The following WDR44 variants were observed in gnomAD, a reference collection of about 807,000 sequenced individuals.
WDR44 encodes the protein WD repeat domain 44, also known as WD repeat-containing protein 44.
Under a neutral mutation model 65.7 loss-of-function variants are expected in WDR44, and 9 were observed. The observed-to-expected ratio is 0.14, with a 90% CI of 0.08 to 0.24. The LOEUF (loss-of-function observed/expected upper bound fraction) is 0.24. WDR44 is among the 10% of genes least tolerant of loss of function. WDR44 has a pLI of 1.00. For missense variants in WDR44, 425 were observed against 670.9 expected, an observed-to-expected ratio of 0.63 and a Z score of 4.05; for synonymous variants, 220 against 235.2, an observed-to-expected ratio of 0.94 and a Z score of 0.59.
rs749350093 is a variant in WDR44, at chrX:118,415,047, T to C, written c.1737+4088T>C. Among the ~76,000 whole-genome samples, 12 of 111,967 alleles carry C rather than the reference T, an allele frequency of 1.1e-4. No homozygotes were observed. The South Asian group carries it at 1.1e-3, about 10-fold the overall frequency. The stretch of plus-strand genomic sequence containing the variant: ...AGATGGCTTTTATTACACTGAGATA[T>C]GTCACCTGTATGCTGATTTTGCTGA... On this transcript the variant is annotated intron_variant, in intron 12 of 19. Transcript: ENST00000254029.
intron 19 of WDR44, among the ~76,000 whole-genome samples, chrX:118,445,632 G>A (rs1225539136): frequency 8.9e-6 from 1 of 112,355 alleles, no homozygotes; most frequent in Non-Finnish European, 1.9e-5. Context: ...GCCATTTGTA[G>A]CATATATGCT....
chrX:118,347,691 G>A (rs900638094), intron 1 of WDR44, among the ~76,000 whole-genome samples: 2 of 112,356 alleles, frequency 1.8e-5, no homozygotes, highest in African/African-American at 3.2e-5. Flanking sequence ...CATGCTAGAA[G>A]TCATTCTAAA....
intron 12 of WDR44, among the ~76,000 whole-genome samples, chrX:118,416,271 T>C (rs1395940467): frequency 8.9e-6 from 1 of 111,823 alleles, no homozygotes; most frequent in Non-Finnish European, 1.9e-5. Context: ...AAGTGTGACC[T>C]TAGCATGTCA....
chrX:118,398,190 T>C (rs1400259331), intron 7 of WDR44, among the ~76,000 whole-genome samples, 197 bp from the exon 8 acceptor site: 3 of 112,144 alleles, frequency 2.7e-5, no homozygotes, highest in African/African-American at 6.5e-5. Flanking sequence ...TGAGCCAAGA[T>C]TGTGCCACTG....
intron 9 of WDR44, among the ~76,000 whole-genome samples, chrX:118,405,806 T>C: frequency 9.0e-6 from 1 of 111,662 alleles, no homozygotes; most frequent in Admixed American, 9.5e-5. Flanking sequence ...TTATATAACA[T>C]TTACACTGCA....
intron 3 of WDR44, among the ~76,000 whole-genome samples, chrX:118,387,928 G>T (rs1314993956): frequency 3.6e-5 from 4 of 111,733 alleles, no homozygotes; most frequent in African/African-American, 1.3e-4. Flanking sequence ...AAGACAGGAT[G>T]GTGTGTTTTT....
intron 1 of WDR44, among the ~76,000 whole-genome samples, chrX:118,371,376 G>A (rs2056612798): frequency 9.0e-6 from 1 of 111,236 alleles, no homozygotes; most frequent in Admixed American, 9.6e-5. Flanking sequence ...AAGTTCTGGA[G>A]AACTATTGCA....
intron 12 of WDR44, among the ~76,000 whole-genome samples, chrX:118,414,296 T>TG (rs200260149): frequency 3.5e-4 from 37 of 105,432 alleles, no homozygotes; most frequent in Admixed American, 1.1e-3. Flanking sequence ...GGTTTTGTGT[T>TG]TTTTTTTTTC....
At chrX:118,431,451 G>A (rs1199896643) in intron 12 of WDR44, among the ~76,000 whole-genome samples, 1 of 111,388 alleles carries the variant, frequency 9.0e-6, no homozygotes, top group Non-Finnish European at 1.9e-5. Context: ...TTACAGGCAT[G>A]CGCCACCATG....
intron 12 of WDR44, among the ~76,000 whole-genome samples, chrX:118,424,323 G>GTGTGTGTATATATATATA (rs1289349202): frequency 1.1e-3 from 70 of 65,542 alleles, no homozygotes; most frequent in African/African-American, 6.2e-3. Flanking sequence ...GTGTGTGTGT[G>GTGTGTGTATATATATATA]TATATATATA....
chrX:118,371,400 A>G lies in WDR44; in HGVS notation c.78-7019A>G, dbSNP rs181160764. Among the ~76,000 whole-genome samples the G allele has an allele frequency of 2.8e-3, 316 of 111,647 alleles. 2 individuals are homozygous for G. The highest frequency in any genetic ancestry group is 9.9e-3 in the African/African-American group (304 of 30,784). ...AGAACTATTGCACAGCATGATGACT[A>G]TAATAATAACAATGTATGTTTCAAA... On this transcript the variant is annotated intron_variant, in intron 1 of 19. Coordinates refer to ENST00000254029, the MANE Select transcript of WDR44 (RefSeq NM_019045.5).
chrX:118,446,102 G>T (rs1003465199), intron 19 of WDR44, among the ~76,000 whole-genome samples: 2 of 108,801 alleles, frequency 1.8e-5, no homozygotes, highest in African/African-American at 6.7e-5. Flanking sequence ...GACCAGCCTG[G>T]CCAACATGTT....
At chrX:118,385,154 T>C (rs749227716) in intron 2 of WDR44, among the ~76,000 whole-genome samples, 1 of 112,088 alleles carries the variant, frequency 8.9e-6, no homozygotes, top group East Asian at 2.8e-4. Flanking sequence ...CATTACTGGG[T>C]ATATACCCAA....
At chrX:118,424,457 T>C (rs1349215568) in intron 12 of WDR44, among the ~76,000 whole-genome samples, 1 of 106,454 alleles carries the variant, frequency 9.4e-6, no homozygotes, top group Non-Finnish European at 1.9e-5. Flanking sequence ...CACCTTTTCA[T>C]GTACTCATTG....
chrX:118,448,189 A>C (rs2057364175), intron 19 of WDR44, among the ~76,000 whole-genome samples: 1 of 110,565 alleles, frequency 9.0e-6, no homozygotes, highest in Admixed American at 9.8e-5. Context: ...CATCCTGTCC[A>C]CAACTTTCCA....
intron 2 of WDR44, among the ~76,000 whole-genome samples, chrX:118,378,709 CGTGTGT>C (rs61698360): frequency 6.4e-5 from 6 of 94,454 alleles, no homozygotes; most frequent in Admixed American, 1.2e-4. Flanking sequence ...AATAAAAGAA[CGTGTGT>C]GTGTGTGTGT....
At chrX:118,393,296 C>G (rs1232325109) in intron 4 of WDR44, 25 bp downstream of exon 4, 2 of 1,163,618 alleles carry the variant, frequency 1.7e-6, no homozygotes, top group Non-Finnish European at 2.3e-6. Context: ...AGAAATCACT[C>G]TGTTGGTTGG....
intron 14 of WDR44, among the ~76,000 whole-genome samples, chrX:118,440,308 A>G (rs771360251): frequency 2.7e-5 from 3 of 110,366 alleles, no homozygotes; most frequent in South Asian, 7.8e-4. Flanking sequence ...GTCTCTACAC[A>G]CTAAATACTG....
chrX:118,424,323 G>GTGTATATA (rs1289349202), intron 12 of WDR44, among the ~76,000 whole-genome samples: 8 of 65,550 alleles, frequency 1.2e-4, no homozygotes, highest in African/African-American at 6.9e-4. Context: ...GTGTGTGTGT[G>GTGTATATA]TATATATATA....
Sources: gnomAD v4.1 joint callset for allele counts (sites outside exome capture counted in the v4.1 genomes callset) on GRCh38, gnomAD v4.1.1 for gene constraint, MANE v1.5 for transcripts, NCBI Gene and HGNC (gene_info 2026-07-23, HGNC 2026-07-21) for gene names.